Variants in ROBO2 observed in about 807,000 individuals in gnomAD.
ROBO2 encodes the protein roundabout homolog 2.
In ROBO2, 53 loss-of-function variants were observed where a neutral mutation model predicts 160.8. The observed-to-expected ratio is 0.33, with a 90% CI of 0.26 to 0.41. ROBO2 has a LOEUF of 0.41. ROBO2 is among the 10% of genes least tolerant of loss of function. The pLI is 1.00. For missense variants in ROBO2, 1,577 were observed against 1,722.4 expected (o/e 0.92, Z 1.49); for synonymous variants, 664 against 611.7 (o/e 1.09, Z -1.26).
Position 76,961,543 on chromosome 3 carries a change from G to A in ROBO2, c.110-136471G>A, listed in dbSNP as rs544156600. Among the ~76,000 whole-genome samples the A allele has an allele frequency of 1.5e-4, 23 of 152,086 alleles. No homozygotes were observed. The South Asian group carries it at 3.1e-3, about 21-fold the overall frequency. On this transcript the variant is annotated intron_variant, in intron 2 of 26. Transcript: ENST00000487694. ...GATAATTGTTCCCAGTTTGTTTCAG[G>A]GTGGTTAAGTGGAAGTGAACACACA... is the stretch of plus-strand genomic sequence containing the variant.
At chr3:76,630,566 A>G (rs1404048814) in intron 2 of ROBO2, among the ~76,000 whole-genome samples, 3 of 152,198 alleles carry the variant, frequency 2.0e-5, no homozygotes, top group Admixed American at 6.5e-5. Flanking sequence ...TGGTTTCAGT[A>G]TACATTGTTT....
chr3:77,391,845 C>A (rs980790586), intron 2 of ROBO2, among the ~76,000 whole-genome samples: 10 of 152,120 alleles, frequency 6.6e-5, no homozygotes, highest in African/African-American at 2.2e-4. Flanking sequence ...TAAGCATGAG[C>A]CACCATTCCT....
intron 2 of ROBO2, among the ~76,000 whole-genome samples, chr3:75,941,478 A>T (rs1389686604): frequency 1.3e-5 from 2 of 152,220 alleles, no homozygotes; most frequent in African/African-American, 4.8e-5. Flanking sequence ...TTTAAACATT[A>T]TCATGAATAC....
intron 2 of ROBO2, among the ~76,000 whole-genome samples, chr3:76,577,793 C>T (rs1464381408): frequency 6.6e-6 from 1 of 152,026 alleles, no homozygotes; most frequent in Non-Finnish European, 1.5e-5. Context: ...GGATTACTGC[C>T]GTTATTAATA....
chr3:76,058,506 A>G (rs17013722), intron 2 of ROBO2, among the ~76,000 whole-genome samples: 3,092 of 150,814 alleles, frequency 0.021, 42 homozygotes, highest in East Asian at 0.08. Flanking sequence ...ACTCATTGCG[A>G]CCTAATTGAT....
At chr3:77,234,890 G>A (rs1005464902) in intron 2 of ROBO2, among the ~76,000 whole-genome samples, 1 of 152,156 alleles carries the variant, frequency 6.6e-6, no homozygotes, top group East Asian at 1.9e-4. Flanking sequence ...GCTCAGGTGG[G>A]TGATGCCAGT....
intron 2 of ROBO2, among the ~76,000 whole-genome samples, chr3:77,367,309 TAAGG>T (rs2153473817): frequency 6.6e-6 from 1 of 152,272 alleles, no homozygotes; most frequent in African/African-American, 2.4e-5. Context: ...ATCCTTTTTC[TAAGG>T]AAATGATTAG....
rs531833461 is a variant in ROBO2, at chr3:77,205,689, G to A, written c.388+107349G>A. Among the ~76,000 whole-genome samples the A allele has an allele frequency of 3.3e-5, 5 of 152,066 alleles. No homozygotes were observed. The East Asian group carries it at 5.8e-4, about 18-fold the overall frequency. On this transcript the variant is annotated intron_variant, in intron 2 of 25. Coordinates refer to ENST00000461745, the Ensembl canonical transcript of ROBO2. ...CACATGCACATGTAGTCTTAAACCA[G>A]CTTAATAAGTTGCACTATTGTAGAA...
chr3:77,599,330 A>C (rs2094382888), intron 19 of ROBO2, among the ~76,000 whole-genome samples: 2 of 152,050 alleles, frequency 1.3e-5, no homozygotes, highest in Admixed American at 6.5e-5. Flanking sequence ...TCTGCTTTGT[A>C]TTGTAAAGGC....
chr3:77,631,543 A>G (rs2095163382), intron 23 of ROBO2: 1 of 152,178 alleles, frequency 6.6e-6, no homozygotes, highest in African/African-American at 2.4e-5. Context: ...TTAATGGTAT[A>G]CCAACATAAA....
intron 2 of ROBO2, among the ~76,000 whole-genome samples, chr3:77,233,049 G>A (rs949813490): frequency 2.4e-4 from 37 of 152,222 alleles, no homozygotes; most frequent in East Asian, 9.7e-4. Flanking sequence ...ATATAAGCAG[G>A]TGGAATACAT....
At chr3:77,208,784 A>G (rs1441227393) in intron 2 of ROBO2, among the ~76,000 whole-genome samples, 1 of 152,172 alleles carries the variant, frequency 6.6e-6, no homozygotes, top group African/African-American at 2.4e-5. Flanking sequence ...AAGAAAACCG[A>G]TATGGTTGGT....
chr3:76,337,560 G>A (rs2108117380), intron 2 of ROBO2, among the ~76,000 whole-genome samples: 1 of 152,190 alleles, frequency 6.6e-6, no homozygotes, highest in Non-Finnish European at 1.5e-5. Context: ...ACTAGGAAAA[G>A]CCTCAACACA....
At chr3:76,561,366 T>C (rs955288042) in intron 2 of ROBO2, among the ~76,000 whole-genome samples, 1 of 152,098 alleles carries the variant, frequency 6.6e-6, no homozygotes, top group African/African-American at 2.4e-5. Context: ...GCAGATAATA[T>C]TTTTCCTTAA....
rs115864210 is a variant in ROBO2 at position 76,568,141 on chromosome 3, A to T, written c.110-529873A>T. Among the ~76,000 whole-genome samples the T allele has an allele frequency of 3.9e-3, 585 of 151,802 alleles. 7 individuals carry two copies. The highest frequency in any genetic ancestry group is 0.014 in the African/African-American group (563 of 41,412). On this transcript the variant is annotated intron_variant, in intron 2 of 26. Transcript: ENST00000487694. The stretch of plus-strand genomic sequence containing the variant: ...ACATAAATGTAAAAACATTTGAACA[A>T]TAGGGGTGCCTGCATAGTATTCAAC...
intron 2 of ROBO2, among the ~76,000 whole-genome samples, chr3:76,016,230 A>G (rs113340342): frequency 2.6e-5 from 4 of 151,950 alleles, no homozygotes; most frequent in Non-Finnish European, 1.5e-5. Context: ...ATTTTTTTTT[A>G]ATGGCACGCA....
chr3:77,532,901 T>C (rs1342045708), intron 6 of ROBO2, among the ~76,000 whole-genome samples: 1 of 152,056 alleles, frequency 6.6e-6, no homozygotes, highest in Admixed American at 6.6e-5. Flanking sequence ...CTTTGAGTAA[T>C]TCTTGGAAGA....
At chr3:76,784,377 T>A (rs908807523) in intron 2 of ROBO2, among the ~76,000 whole-genome samples, 4 of 151,238 alleles carry the variant, frequency 2.6e-5, no homozygotes, top group Middle Eastern at 3.4e-3. Flanking sequence ...GTCTTGGGAT[T>A]GTGTGTCTTC....
intron 2 of ROBO2, among the ~76,000 whole-genome samples, chr3:76,889,827 A>G (rs1193194180): frequency 6.6e-6 from 1 of 152,122 alleles, no homozygotes; most frequent in African/African-American, 2.4e-5. Context: ...TTTTTTCCTC[A>G]ATTTTAGAGT....
Sources: allele counts gnomAD v4.1 joint callset (sites outside exome capture counted in the v4.1 genomes callset), GRCh38; gene constraint gnomAD v4.1.1; transcripts MANE v1.5; gene names NCBI Gene and HGNC (gene_info 2026-07-23, HGNC 2026-07-21).